PCDHGB1: variants seen among roughly 807,000 people sequenced by gnomAD.
PCDHGB1 encodes the protein protocadherin gamma subfamily B, 1.
PCDHGB1 carries 34 observed loss-of-function variants against 56.6 expected under a neutral mutation model. That is an observed-to-expected ratio of 0.60 (90% CI 0.46 to 0.80). The LOEUF (loss-of-function observed/expected upper bound fraction) is 0.80, where lower values mean the gene tolerates loss of function less well. Among genes scored for constraint, PCDHGB1 ranks in the 30% least tolerant of loss-of-function variants. The pLI is 0.00. For synonymous variants in PCDHGB1, 561 were observed against 505.9 expected, an observed-to-expected ratio of 1.11 and a Z score of -1.46; for missense variants, 1,278 against 1,204.6, an observed-to-expected ratio of 1.06 and a Z score of -0.90.
intron 1 of PCDHGB1, among the ~76,000 whole-genome samples, chr5:141,359,276 A>G (rs1344985076): frequency 6.6e-6 from 1 of 152,168 alleles, no homozygotes; most frequent in Non-Finnish European, 1.5e-5. Flanking sequence ...GAAATGCTCA[A>G]TTGGTCTGAA....
chr5:141,475,105 G>C (rs1215386045), intron 1 of PCDHGB1, among the ~76,000 whole-genome samples: 1 of 152,156 alleles, frequency 6.6e-6, no homozygotes, highest in Non-Finnish European at 1.5e-5. Context: ...GATCCTAGGT[G>C]GTAAATAGGC....
chr5:141,500,493 G>A (rs1239876467), intron 2 of PCDHGB1, among the ~76,000 whole-genome samples: 1 of 152,166 alleles, frequency 6.6e-6, no homozygotes, highest in Admixed American at 6.5e-5. Context: ...ACAGGCGTGA[G>A]CCACCGCGCC....
At position 141,490,645 on chromosome 5, in the gene PCDHGB1, C is replaced by G; in HGVS notation, c.2410-4162C>G. ...TGCTTACATCCTAGAAAACCGGCCTCCGGGCTCCCTTCTTTGCACTGTGGC... is the reference window on the plus strand; with the variant it reads ...TGCTTACATCCTAGAAAACCGGCCTGCGGGCTCCCTTCTTTGCACTGTGGC... On this transcript the variant is annotated intron_variant, in intron 1 of 3. Transcript: ENST00000523390. The surrounding 1 kb of genome is among the most constrained non-coding windows in gnomAD (Gnocchi z 5.4). 6.2e-7 allele frequency: 1 copy of G among 1,614,220 alleles called. No homozygotes were observed. Among genetic ancestry groups the G allele is most frequent in the Non-Finnish European group, 8.5e-7 (1 of 1,180,022 alleles).
intron 1 of PCDHGB1, chr5:141,370,305 G>A: frequency 2.5e-6 from 3 of 1,206,280 alleles, no homozygotes; most frequent in South Asian, 3.3e-5. Context: ...CAAAGACAAA[G>A]CAAATAGTTG....
intron 2 of PCDHGB1, among the ~76,000 whole-genome samples, chr5:141,498,795 T>C (rs2099785702): frequency 6.6e-6 from 1 of 152,032 alleles, no homozygotes; most frequent in Admixed American, 6.6e-5. Context: ...TAGCCAGGTG[T>C]GGTGGTGCAC....
intron 1 of PCDHGB1, chr5:141,418,233 ATGT>A: frequency 6.2e-7 from 1 of 1,614,048 alleles, no homozygotes; most frequent in Admixed American, 1.7e-5. Context: ...GTGATTGAGG[ATGT>A]TAATGACCAC....
At chr5:141,478,011 G>T (rs1216659966) in intron 1 of PCDHGB1, 1 of 1,614,088 alleles carries the variant, frequency 6.2e-7, no homozygotes, top group Non-Finnish European at 8.5e-7. Flanking sequence ...AGTACTGCCC[G>T]TCCAGTCCAA....
At chr5:141,389,743 G>T in intron 1 of PCDHGB1, 8 of 1,612,624 alleles carry the variant, frequency 5.0e-6, no homozygotes, top group Non-Finnish European at 6.8e-6. Flanking sequence ...CTGGGGCTGC[G>T]CACGGGCGAA....
At chr5:141,357,091 G>C (rs750967343) in intron 1 of PCDHGB1, 1 of 1,613,788 alleles carries the variant, frequency 6.2e-7, no homozygotes, top group Non-Finnish European at 8.5e-7. Context: ...CACCGCACGG[G>C]CCCTGCTGGA....
chr5:141,357,342 C>T (rs1760561177), intron 1 of PCDHGB1: 1 of 1,614,144 alleles, frequency 6.2e-7, no homozygotes, highest in Non-Finnish European at 8.5e-7. Context: ...TGCTAGCACT[C>T]AAGCTGAGAC....
chr5:141,416,224 T>G (rs2096006627), intron 1 of PCDHGB1: 1 of 152,382 alleles, frequency 6.6e-6, no homozygotes, highest in Admixed American at 6.5e-5. Context: ...TATGCTTAGA[T>G]TTTTCCAGCC....
chr5:141,504,963 AC>A (rs1409940135), intron 2 of PCDHGB1, among the ~76,000 whole-genome samples: 1 of 152,038 alleles, frequency 6.6e-6, no homozygotes, highest in Non-Finnish European at 1.5e-5. Context: ...AATGCATTGG[AC>A]CAGCCTGGCC....
chr5:141,382,453 G>A (rs1300977672), intron 1 of PCDHGB1, among the ~76,000 whole-genome samples: 1 of 152,202 alleles, frequency 6.6e-6, no homozygotes, highest in Non-Finnish European at 1.5e-5. Flanking sequence ...GCAAGGCAAA[G>A]CAGTTTTTTA....
Position 141,418,027 on chromosome 5 carries a change from T to A in PCDHGB1, c.2409+65358T>A, listed in dbSNP as rs536104184. 2.4e-5 allele frequency: 38 copies of A among 1,613,808 alleles called. 1 individual carries two copies. In the South Asian group the frequency reaches 4.2e-4, roughly 18 times the overall value. ...GGAACCTCGCTAAGGATCTAGGGCT[T>A]AGTGTCCTGGATGTGTCGGCTCGCG... On this transcript the variant is annotated intron_variant, in intron 1 of 3. Coordinates refer to ENST00000523390, the MANE Select transcript of PCDHGB1 (RefSeq NM_018922.3).
chr5:141,353,742 T>C (rs1759373082), intron 1 of PCDHGB1, among the ~76,000 whole-genome samples: 1 of 150,890 alleles, frequency 6.6e-6, no homozygotes, highest in Non-Finnish European at 1.5e-5. Flanking sequence ...TAGTTAAATC[T>C]ATAAACATGT....
At chr5:141,418,863 TAG>T (rs1165304037) in intron 1 of PCDHGB1, 1 of 1,613,990 alleles carries the variant, frequency 6.2e-7, no homozygotes, top group Non-Finnish European at 8.5e-7. Context: ...AAAGTAATTG[TAG>T]AAGTTGTAGA....
In PCDHGB1 at chr5:141,419,703, G is replaced by C. The variant is rs2096418539; in HGVS notation, c.2409+67034G>C. 1 of 1,612,946 alleles carries C rather than the reference G, an allele frequency of 6.2e-7. No individual in the cohort carries two copies. The highest frequency in any genetic ancestry group is 1.3e-5 in the African/African-American group (1 of 74,946). The stretch of plus-strand genomic sequence containing the variant: ...CACGTGGTGCAGGCCAGTGAGCCCG[G>C]GCTCTTCAGCCTGGGGCTGCGAACA... On this transcript the variant is annotated intron_variant, in intron 1 of 3. Coordinates refer to ENST00000523390, the MANE Select transcript of PCDHGB1 (RefSeq NM_018922.3).
rs761994950 is a variant in PCDHGB1 at position 141,351,587 on chromosome 5, G to C, written c.1327G>C (p.Asp443His). 4 of 1,613,988 alleles carry C rather than the reference G, an allele frequency of 2.5e-6. No individual in the cohort carries two copies. The highest frequency in any genetic ancestry group is 3.4e-6 in the Non-Finnish European group (4 of 1,179,892). The change falls in exon 1 of 4, where the codon GAC (aspartate) becomes CAC (histidine). Residue 443 changes from aspartate (D) to histidine (H), a missense_variant. Asp to His is a moderately conservative substitution (Grantham distance 81). Transcript: ENST00000523390. ...CACCCTGCACATCTCCGACATCAAC[G>C]ACAATGCACCTGTTTTCCATCAGGC... ...SITLHISDIN[D>H]NAPVFHQASY...
chr5:141,497,211 G>C (rs914346878), intron 2 of PCDHGB1, among the ~76,000 whole-genome samples: 19 of 28,538 alleles, frequency 6.7e-4, no homozygotes, highest in African/African-American at 2.3e-3. Flanking sequence ...GAGTGTAATG[G>C]GGGGGGGAAG....
Sources: gnomAD v4.1 joint callset for allele counts (sites outside exome capture counted in the v4.1 genomes callset) on GRCh38, gnomAD v4.1.1 for gene constraint, Gnocchi (gnomAD v3.1) non-coding constraint, MANE v1.5 for transcripts, NCBI Gene and HGNC (gene_info 2026-07-23, HGNC 2026-07-21) for gene names.